The following FAM186A variants were observed in gnomAD, a reference collection of about 807,000 sequenced individuals.
FAM186A encodes the protein family with sequence similarity 186 member A.
Under a neutral mutation model 216.8 loss-of-function variants are expected in FAM186A, and 163 were observed. That is an observed-to-expected ratio of 0.75 (90% CI 0.66 to 0.86). FAM186A has a LOEUF of 0.86. Ranked by LOEUF, FAM186A falls within the 40% of genes least tolerant of loss-of-function variation. The probability of loss-of-function intolerance (pLI) is 0.00; values close to 1 mark genes in which losing one functional copy is unlikely to be tolerated. For missense variants in FAM186A, 2,184 were observed against 2,746.2 expected (o/e 0.80, Z 4.58); for synonymous variants, 805 against 1,025.3 (o/e 0.79, Z 4.10).
At chr12:50,335,722 T>C (rs1332346961) in intron 4 of FAM186A, among the ~76,000 whole-genome samples, 1 of 151,788 alleles carries the variant, frequency 6.6e-6, no homozygotes, top group African/African-American at 2.4e-5. Context: ...CAAAAGCACT[T>C]ATAATCCAGA....
chr12:50,348,864 G>T (rs1001139441), intron 4 of FAM186A, among the ~76,000 whole-genome samples: 14 of 152,010 alleles, frequency 9.2e-5, no homozygotes, highest in Admixed American at 7.9e-4. Flanking sequence ...CCATTTTTTT[G>T]TTTGTTTTTC....
intron 1 of FAM186A, chr12:50,392,407 T>A (rs1943366541): frequency 6.6e-6 from 1 of 152,230 alleles, no homozygotes; most frequent in Non-Finnish European, 1.5e-5. Flanking sequence ...GCCTCCCGAG[T>A]AGCTGGGACT....
At chr12:50,370,543 T>G (rs572379883) in intron 1 of FAM186A, among the ~76,000 whole-genome samples, 5 of 152,246 alleles carry the variant, frequency 3.3e-5, no homozygotes, top group African/African-American at 1.2e-4. Flanking sequence ...CCCTGTGCAC[T>G]GCTGGTAGGA....
intron 1 of FAM186A, among the ~76,000 whole-genome samples, chr12:50,373,011 GAAAGAAAGAAAGAAAGAA>G (rs1943159649): frequency 4.7e-5 from 5 of 106,206 alleles, no homozygotes; most frequent in Non-Finnish European, 9.2e-5. Context: ...AAGAAAGAAA[GAAAGAAAGAAAGAAAGAA>G]AGAAAGAAAG....
At chr12:50,367,134 G>T (rs1049236814) in intron 1 of FAM186A, among the ~76,000 whole-genome samples, 2 of 152,104 alleles carry the variant, frequency 1.3e-5, no homozygotes, top group Non-Finnish European at 2.9e-5. Flanking sequence ...AAGACTGAAA[G>T]TTTTTCCTCC....
chr12:50,373,796 A>C lies in FAM186A; in HGVS notation c.193-10432T>G, dbSNP rs1217202160. On this transcript the variant is annotated intron_variant, in intron 1 of 7. Coordinates refer to ENST00000327337, the MANE Select transcript of FAM186A (RefSeq NM_001145475.3). ...TACCATTTGACCCAGCCATCCCATT[A>C]CTGGGTATATACCCAAGGGATTATA... is the stretch of plus-strand genomic sequence containing the variant. Among the ~76,000 whole-genome samples, 5 of 152,314 alleles carry C rather than the reference A, an allele frequency of 3.3e-5. No homozygotes were observed. The South Asian group carries it at 1.0e-3, about 32-fold the overall frequency.
At chr12:50,333,534 C>T (rs953182419) in intron 5 of FAM186A, among the ~76,000 whole-genome samples, 4 of 151,044 alleles carry the variant, frequency 2.6e-5, no homozygotes, top group Admixed American at 6.6e-5. Context: ...CTCAAAAAAA[C>T]GAAAAACAAA....
At chr12:50,336,385 A>C (rs1024998605) in intron 4 of FAM186A, among the ~76,000 whole-genome samples, 3 of 152,108 alleles carry the variant, frequency 2.0e-5, no homozygotes, top group Admixed American at 6.6e-5. Context: ...CAAGCCCAGA[A>C]CTTCTTTCTT....
chr12:50,369,914 G>T (rs1943126522), intron 1 of FAM186A, among the ~76,000 whole-genome samples: 1 of 151,908 alleles, frequency 6.6e-6, no homozygotes, highest in Non-Finnish European at 1.5e-5. Context: ...CATGAGGTCA[G>T]GAGATCGAGA....
chr12:50,382,947 A>G (rs1943266600), intron 1 of FAM186A, among the ~76,000 whole-genome samples: 1 of 151,928 alleles, frequency 6.6e-6, no homozygotes. Flanking sequence ...ATAGTAAGAA[A>G]CAAGGTCGGG....
chr12:50,394,208 T>C (rs1258099036), intron 1 of FAM186A, among the ~76,000 whole-genome samples: 1 of 152,152 alleles, frequency 6.6e-6, no homozygotes, highest in Non-Finnish European at 1.5e-5. Flanking sequence ...CATGAGCTAC[T>C]TACCACACCT....
chr12:50,376,998 C>T (rs1407589704), intron 1 of FAM186A, among the ~76,000 whole-genome samples: 2 of 152,104 alleles, frequency 1.3e-5, no homozygotes, highest in African/African-American at 2.4e-5. Flanking sequence ...GTCCTCCCAC[C>T]TCAGCCTCAT....
At chr12:50,372,998 TGAAAGAAAGAAAGAAAGAAAGAAA>T (rs71083549) in intron 1 of FAM186A, among the ~76,000 whole-genome samples, 86 of 49,040 alleles carry the variant, frequency 1.8e-3, no homozygotes, top group African/African-American at 5.7e-3. Context: ...AAGGAAGGAA[TGAAAGAAAGAAAGAAAGAAAGAAA>T]GAAAGAAAGA....
rs1942885305 is a variant in FAM186A at position 50,351,794 on chromosome 12, C to T, written c.5038G>A (p.Ala1680Thr). The change falls in exon 4 of 8, where the codon GCT (alanine) becomes ACT (threonine). Residue 1680 changes from alanine (A) to threonine (T), a missense_variant. Transcript: ENST00000327337. ...CCTAACTTCAATAACTGTTCTTGAG[C>T]CTGTTCTAAGTTCATAGGGGACTCC... ...ALESPMNLEQ[A>T]QEQLLKLGVP... The T allele has an allele frequency of 1.9e-6, 3 of 1,549,538 alleles. No homozygotes were observed. The East Asian group carries it at 7.3e-5, about 38-fold the overall frequency.
At position 50,353,800 on chromosome 12, in the gene FAM186A, G is replaced by A. The variant is rs367802699; in HGVS notation, c.3032C>T (p.Pro1011Leu). 8 of 1,551,494 alleles carry A rather than the reference G, an allele frequency of 5.2e-6. No individual in the cohort carries two copies. Among genetic ancestry groups the A allele is most frequent in the Non-Finnish European group, 7.0e-6 (8 of 1,146,962 alleles). The change falls in exon 4 of 8, where the codon CCC becomes CTC. Residue 1011 changes from proline (P) to leucine (L), a missense_variant. Pro to Leu is a moderately conservative substitution (Grantham distance 98, BLOSUM62 -3). Around this residue, in one of 7 missense-constraint regions of FAM186A, gnomAD observed 1,132 missense variants for 1,263.4 expected, o/e 0.90. Transcript: ENST00000327337. ...ATCTTTCAATACACTCTTCCACCTG[G>A]GAGATAATGTCATTGGAGTTTGGAT... ...MVIQTPMTLS[P>L]RWKSVLKDVQ...
At chr12:50,367,597 T>C (rs1943102602) in intron 1 of FAM186A, among the ~76,000 whole-genome samples, 1 of 151,052 alleles carries the variant, frequency 6.6e-6, no homozygotes, top group African/African-American at 2.4e-5. Flanking sequence ...TGTTCATAGA[T>C]AACATGATCT....
rs753341148 is a variant in FAM186A, at chr12:50,351,767, C to T, written c.5065G>A (p.Val1689Ile). 87 of 1,550,950 alleles carry T rather than the reference C, an allele frequency of 5.6e-5. 1 individual carries two copies. Among genetic ancestry groups the T allele is most frequent in the South Asian group, 2.0e-4 (17 of 84,018 alleles). ...QAQEQLLKLG[V>I]PLTLDKAHTL... ...TGGGCTTTATCTAAGGTGAGAGGAA[C>T]CCCTAACTTCAATAACTGTTCTTGA... The change falls in exon 4 of 8, where the codon GTT becomes ATT. Residue 1689 changes from valine to isoleucine, a missense_variant. Transcript: ENST00000327337.
intron 3 of FAM186A, among the ~76,000 whole-genome samples, chr12:50,357,737 T>C (rs890110746): frequency 6.6e-6 from 1 of 152,108 alleles, no homozygotes. Flanking sequence ...TGGAGTCGCG[T>C]CCATCCTCAA....
chr12:50,350,489 TC>T lies in FAM186A; in HGVS notation c.6342del (p.Asn2115ThrfsTer2). 6.4e-7 allele frequency: 1 copy of T among 1,551,646 alleles called. No homozygotes were observed. The highest frequency in any genetic ancestry group is 2.4e-5 in the East Asian group (1 of 40,920). On this transcript the variant is annotated frameshift_variant, in exon 4 of 8. Coordinates refer to ENST00000327337, the MANE Select transcript of FAM186A (RefSeq NM_001145475.3). LOFTEE classifies it high-confidence loss of function. ...ATAGCCTGATTTAATAGTATCAGGT[TC>T]TTCTTCTGAGCCTCCACATCAACAA... ...RYFVDVEAQKKNLILLNQAIK... is the reference protein window; with the variant it reads ...RYFVDVEAQKXNLILLNQAIK...
Sources: gnomAD v4.1 joint callset for allele counts (sites outside exome capture counted in the v4.1 genomes callset) on GRCh38, gnomAD v4.1.1 for gene constraint, gnomAD v4.1.1 regional missense constraint, MANE v1.5 for transcripts, NCBI Gene and HGNC (gene_info 2026-07-23, HGNC 2026-07-21) for gene names.